The following ESYT3 variants were observed in gnomAD, a reference collection of about 807,000 sequenced individuals.
ESYT3 encodes extended synaptotagmin 3, also known as extended synaptotagmin-3.
ESYT3 carries 101 observed loss-of-function variants against 111.5 expected under a neutral mutation model. The ratio of observed to expected loss-of-function variants is 0.91; its 90% CI spans 0.77 to 1.07. The LOEUF (loss-of-function observed/expected upper bound fraction) is 1.07. Ranked by LOEUF, ESYT3 falls within the 50% of genes least tolerant of loss-of-function variation. The probability of loss-of-function intolerance (pLI) is 0.00; values close to 1 mark genes in which losing one functional copy is unlikely to be tolerated. For synonymous variants in ESYT3, 416 were observed against 446.8 expected (o/e 0.93, Z 0.87); for missense variants, 1,097 against 1,109.4 (o/e 0.99, Z 0.16).
chr3:138,476,702 A>G lies in ESYT3; in HGVS notation c.2625-116A>G, dbSNP rs1433163826. 16 of 1,174,540 alleles carry G rather than the reference A, an allele frequency of 1.4e-5. No homozygotes were observed. The East Asian group carries it at 3.5e-4, about 26-fold the overall frequency. The allele number at this position is 1,174,540 out of a possible 1,614,324, so 72.8% of individuals were successfully genotyped here. A position where few individuals can be genotyped will look rare whatever the true frequency, so the allele number is the denominator to read the frequency against. ...TGAACCCTGGCTGGCCAACTTACAG[A>G]GAGACAGGTTCTGCTGGTCTTACAG... On this transcript the variant is annotated intron_variant, in intron 22 of 22. Transcript: ENST00000389567.
chr3:138,476,471 T>C lies in ESYT3; in HGVS notation c.2603T>C (p.Leu868Pro). The change falls in exon 22 of 23, where the codon CTG (leucine) becomes CCG (proline). Residue 868 changes from leucine (L) to proline (P), a missense_variant. Coordinates refer to ENST00000389567, the MANE Select transcript of ESYT3 (RefSeq NM_031913.5). Reference protein sequence around the residue: ...KVLIDLSKEDLIKGFSQWYEL... With the variant: ...KVLIDLSKEDPIKGFSQWYEL... The stretch of plus-strand genomic sequence containing the variant: ...CTGATTGACTTATCAAAAGAAGATC[T>C]GATTAAGGGCTTTTCACAATGGTAA... The C allele has an allele frequency of 6.2e-7, 1 of 1,613,868 alleles. No homozygotes were observed. Among genetic ancestry groups the C allele is most frequent in the Non-Finnish European group, 8.5e-7 (1 of 1,179,972 alleles).
intron 1 of ESYT3, among the ~76,000 whole-genome samples, chr3:138,439,244 C>T (rs542426595): frequency 6.6e-6 from 1 of 152,332 alleles, no homozygotes; most frequent in East Asian, 1.9e-4. Flanking sequence ...ACTACCTTTT[C>T]CTAATATGAA....
At chr3:138,468,929 T>A in intron 14 of ESYT3, 48 bp downstream of exon 14, 1 of 1,585,458 alleles carries the variant, frequency 6.3e-7, no homozygotes, top group Non-Finnish European at 8.7e-7. Context: ...AATCACAGCT[T>A]CTCTCCCCAG....
downstream of ESYT3, chr3:138,480,098 C>T (rs1452171090): frequency 6.6e-6 from 1 of 152,108 alleles, no homozygotes; most frequent in African/African-American, 2.4e-5. Context: ...AAAGAAAAAT[C>T]AACCCTGCAA....
intron 15 of ESYT3, 25 bp from the exon 16 acceptor site, chr3:138,470,035 T>A: frequency 6.2e-7 from 1 of 1,601,164 alleles, no homozygotes; most frequent in South Asian, 1.1e-5. Flanking sequence ...AACCCTTCAA[T>A]GATCTCTCCC....
At position 138,479,289 on chromosome 3, in the gene ESYT3, C is replaced by CAA. The variant is rs1403646048; in HGVS notation, c.*2437_*2438dup. On this transcript the variant is annotated 3_prime_UTR_variant, in exon 23 of 23. Transcript: ENST00000389567. ...TGTTCACAAGATATAAACAAATAAC[C>CAA]AAAGATTTTTGCAAGGGTTCAGAAA... The CAA allele has an allele frequency of 2.0e-5, 3 of 152,044 alleles. No homozygotes were observed. Among genetic ancestry groups the CAA allele is most frequent in the Admixed American group, 6.5e-5 (1 of 15,274 alleles). 9.4% of individuals were successfully genotyped at this position (152,044 alleles called of 1,614,324 possible). A position where few individuals can be genotyped will look rare whatever the true frequency, so the allele number is the denominator to read the frequency against.
chr3:138,472,524 T>C lies in ESYT3; in HGVS notation c.1902T>C (p.Ala634=). ...PTDLPCPPDP[A]SDTKDVSRST... Reference sequence around the variant, plus strand: ...ATTTGCCATGTCCCCCAGACCCTGCTTCTGATACTAAGGACGTATCCAGGA... The same window carrying C: ...ATTTGCCATGTCCCCCAGACCCTGCCTCTGATACTAAGGACGTATCCAGGA... Residue 634 remains alanine (A), a synonymous_variant, in exon 18 of 23, where the codon GCT becomes GCC. Coordinates refer to ENST00000389567, the MANE Select transcript of ESYT3 (RefSeq NM_031913.5). The C allele has an allele frequency of 6.2e-7, 1 of 1,614,230 alleles. No homozygotes were observed. Among genetic ancestry groups the C allele is most frequent in the Admixed American group, 1.7e-5 (1 of 60,030 alleles).
chr3:138,468,932 C>T (rs1472730933), intron 14 of ESYT3, 51 bp downstream of exon 14: 1 of 1,579,406 alleles, frequency 6.3e-7, no homozygotes, highest in Non-Finnish European at 8.7e-7. Flanking sequence ...CACAGCTTCT[C>T]TCCCCAGAGT....
chr3:138,473,387 T>C, intron 18 of ESYT3, 149 bp from the exon 19 acceptor site: 1 of 739,314 alleles, frequency 1.4e-6, no homozygotes, highest in Non-Finnish European at 2.2e-6. Context: ...TGGATGGAAC[T>C]GAATTCCATC....
In ESYT3 at chr3:138,440,694, G is replaced by C. The variant is rs1223255304; in HGVS notation, c.327+5569G>C. Among the ~76,000 whole-genome samples the C allele has an allele frequency of 6.6e-6, 1 of 152,168 alleles. No individual in the cohort carries two copies. The highest frequency in any genetic ancestry group is 1.5e-5 in the Non-Finnish European group (1 of 68,042). ...GATAAATTTTTAGTCATGCCTTTGG[G>C]GTTTCTGCCCCATGTCTTAATGATG... On this transcript the variant is annotated intron_variant, in intron 1 of 22. Transcript: ENST00000389567. The surrounding 1 kb of genome is among the most constrained non-coding windows in gnomAD (Gnocchi z 4.2).
At chr3:138,461,639 G>C (rs1480946565) in intron 7 of ESYT3, among the ~76,000 whole-genome samples, 2 of 152,204 alleles carry the variant, frequency 1.3e-5, no homozygotes, top group East Asian at 3.8e-4. Context: ...CCTGTCCCCC[G>C]GTATCAGGAG....
At chr3:138,444,883 A>C (rs2031422664) in intron 1 of ESYT3, among the ~76,000 whole-genome samples, 1 of 152,194 alleles carries the variant, frequency 6.6e-6, no homozygotes, top group Admixed American at 6.5e-5. Flanking sequence ...CCAGGCTGTG[A>C]CTTTCAAACT....
chr3:138,468,934 C>A, intron 14 of ESYT3, 53 bp downstream of exon 14: 3 of 1,573,204 alleles, frequency 1.9e-6, no homozygotes, highest in Non-Finnish European at 2.6e-6. Flanking sequence ...CAGCTTCTCT[C>A]CCCAGAGTAA....
At chr3:138,471,435 T>C (rs2033215705) in intron 17 of ESYT3, among the ~76,000 whole-genome samples, 1 of 152,238 alleles carries the variant, frequency 6.6e-6, no homozygotes, top group Non-Finnish European at 1.5e-5. Flanking sequence ...TCAATGGTGG[T>C]TTTTCATTTC....
At chr3:138,439,752 T>A (rs1468864830) in intron 1 of ESYT3, among the ~76,000 whole-genome samples, 1 of 152,202 alleles carries the variant, frequency 6.6e-6, no homozygotes, top group Non-Finnish European at 1.5e-5. Flanking sequence ...GTTGGGGGAA[T>A]GAGAGCCGGT....
At chr3:138,481,638 T>C (rs938040839), downstream of ESYT3, 6 of 150,006 alleles carry the variant, frequency 4.0e-5, no homozygotes, top group African/African-American at 1.5e-4. Context: ...AGTGCTGGGA[T>C]TACAGGCATG....
At chr3:138,453,594 A>T (rs1272038071) in intron 2 of ESYT3, among the ~76,000 whole-genome samples, 1 of 152,206 alleles carries the variant, frequency 6.6e-6, no homozygotes, top group Non-Finnish European at 1.5e-5. Context: ...TGCATATTTA[A>T]ACTGAAGCCC....
chr3:138,442,637 T>A (rs1227207655), intron 1 of ESYT3, among the ~76,000 whole-genome samples: 2 of 152,184 alleles, frequency 1.3e-5, no homozygotes, highest in African/African-American at 2.4e-5. Context: ...ATTTGTAACT[T>A]ACGTATTTTT....
chr3:138,461,223 C>T (rs1393474036), intron 7 of ESYT3, among the ~76,000 whole-genome samples: 2 of 152,202 alleles, frequency 1.3e-5, no homozygotes, highest in Non-Finnish European at 2.9e-5. Context: ...CACTGCACCC[C>T]TTCCAAACCA....
Sources: allele counts gnomAD v4.1 joint callset (sites outside exome capture counted in the v4.1 genomes callset), GRCh38; gene constraint gnomAD v4.1.1; non-coding constraint Gnocchi (gnomAD v3.1); transcripts MANE v1.5; gene names NCBI Gene and HGNC (gene_info 2026-07-23, HGNC 2026-07-21).